Variants in PCDH9 observed in about 807,000 individuals in gnomAD.
The protein encoded by PCDH9 is protocadherin-9.
A neutral mutation model predicts 70.6 loss-of-function variants in PCDH9; 24 were observed. That is an observed-to-expected ratio of 0.34 (90% CI 0.25 to 0.48). The LOEUF is 0.48. Among genes scored for constraint, PCDH9 ranks in the 20% least tolerant of loss-of-function variants. The pLI is 0.99. For synonymous variants in PCDH9, 562 were observed against 558.5 expected (o/e 1.01, Z -0.09); for missense variants, 1,281 against 1,503.6 (o/e 0.85, Z 2.45).
At chr13:66,842,804 A>G (rs1036290137) in intron 3 of PCDH9, among the ~76,000 whole-genome samples, 1 of 152,204 alleles carries the variant, frequency 6.6e-6, no homozygotes, top group Non-Finnish European at 1.5e-5. Flanking sequence ...AAAGTAATGA[A>G]TTGGATGAGG....
intron 2 of PCDH9, chr13:67,201,735 A>G (rs2089217883): frequency 6.6e-6 from 1 of 152,020 alleles, no homozygotes; most frequent in South Asian, 2.1e-4. Flanking sequence ...AATACCTTTA[A>G]TTATCAATTT....
At chr13:66,531,756 C>T (rs190521367) in intron 4 of PCDH9, among the ~76,000 whole-genome samples, 31 of 152,200 alleles carry the variant, frequency 2.0e-4, no homozygotes, top group African/African-American at 6.7e-4. Flanking sequence ...TAAGATACTG[C>T]TCATACATTG....
intron 4 of PCDH9, among the ~76,000 whole-genome samples, chr13:66,378,070 A>G (rs1956780984): frequency 6.6e-6 from 1 of 152,172 alleles, no homozygotes; most frequent in African/African-American, 2.4e-5. Flanking sequence ...AGAAAGGAAA[A>G]TTTATTCAAA....
intron 2 of PCDH9, among the ~76,000 whole-genome samples, chr13:66,945,322 A>G (rs1744503420): frequency 6.6e-6 from 1 of 151,950 alleles, no homozygotes; most frequent in South Asian, 2.1e-4. Context: ...ATACTATATG[A>G]GTTTTGATCA....
Position 67,226,056 on chromosome 13 carries a change from C to T in PCDH9, c.2385G>A (p.Pro795=), listed in dbSNP as rs1194069454. ...TACTATCCCCTATGTTCCTGTCCAACGGGGTCTCCATAGTCCTGCGGATCA... is the reference window on the plus strand; with the variant it reads ...TACTATCCCCTATGTTCCTGTCCAATGGGGTCTCCATAGTCCTGCGGATCA... ...YDLIRRTMET[P]LDRNIGDSSQ... is the part of the protein sequence containing the mutation. The change falls in exon 2 of 5, where the codon CCG becomes CCA. Residue 795 remains proline, a synonymous_variant. Transcript: ENST00000377865. This position sits in a 1 kb window ranked among gnomAD's most constrained non-coding sequence, Gnocchi z 5.0. 1.9e-6 allele frequency: 3 copies of T among 1,614,054 alleles called. No homozygotes were observed. The highest frequency in any genetic ancestry group is 2.5e-6 in the Non-Finnish European group (3 of 1,179,990).
At chr13:66,509,147 G>A (rs1959339427) in intron 4 of PCDH9, among the ~76,000 whole-genome samples, 1 of 152,162 alleles carries the variant, frequency 6.6e-6, no homozygotes, top group Admixed American at 6.5e-5. Context: ...CAACTACACT[G>A]TAAACAGATT....
At chr13:66,652,844 T>C (rs932652750) in intron 3 of PCDH9, among the ~76,000 whole-genome samples, 5 of 151,978 alleles carry the variant, frequency 3.3e-5, no homozygotes, top group African/African-American at 1.2e-4. Context: ...AATCCATACA[T>C]CCACAGTGAA....
chr13:66,630,301 C>A (rs750892710), intron 4 of PCDH9, among the ~76,000 whole-genome samples: 1 of 152,070 alleles, frequency 6.6e-6, no homozygotes, highest in African/African-American at 2.4e-5. Flanking sequence ...ACATGCATAG[C>A]TTTCCCCACC....
At chr13:66,497,389 C>A (rs1209968180) in intron 4 of PCDH9, among the ~76,000 whole-genome samples, 3 of 152,074 alleles carry the variant, frequency 2.0e-5, no homozygotes, top group African/African-American at 4.8e-5. Flanking sequence ...AATTGAGTGG[C>A]ACTTACAAAT....
At chr13:66,776,583 G>T (rs185477017) in intron 3 of PCDH9, among the ~76,000 whole-genome samples, 1 of 152,042 alleles carries the variant, frequency 6.6e-6, no homozygotes, top group Non-Finnish European at 1.5e-5. Flanking sequence ...GGATGTGAAG[G>T]AACTCTTCAA....
intron 3 of PCDH9, among the ~76,000 whole-genome samples, chr13:66,870,593 T>G (rs938096917): frequency 3.9e-5 from 6 of 152,198 alleles, no homozygotes; most frequent in South Asian, 2.1e-4. Flanking sequence ...GAACAGACAC[T>G]TTTCAAAAGA....
intron 2 of PCDH9, among the ~76,000 whole-genome samples, chr13:67,079,795 G>A (rs945070163): frequency 6.6e-6 from 1 of 152,086 alleles, no homozygotes; most frequent in Non-Finnish European, 1.5e-5. Flanking sequence ...TCTCTCTGAA[G>A]GCTGTCACCT....
chr13:67,210,963 T>C (rs964248623), intron 2 of PCDH9: 2 of 151,994 alleles, frequency 1.3e-5, no homozygotes, highest in African/African-American at 4.8e-5. Flanking sequence ...AGAAATTGGT[T>C]ACTACAGACA....
intron 4 of PCDH9, among the ~76,000 whole-genome samples, chr13:66,512,985 G>A (rs929495944): frequency 6.6e-6 from 1 of 151,660 alleles, no homozygotes; most frequent in African/African-American, 2.4e-5. Context: ...CACACAGCTA[G>A]TTTTTGTATT....
intron 4 of PCDH9, among the ~76,000 whole-genome samples, chr13:66,586,405 A>G (rs1051603609): frequency 2.0e-5 from 3 of 152,172 alleles, no homozygotes; most frequent in Admixed American, 6.5e-5. Flanking sequence ...ATGATGTGAC[A>G]TTATATGCAT....
intron 3 of PCDH9, among the ~76,000 whole-genome samples, chr13:66,719,506 G>C (rs1027351390): frequency 6.6e-6 from 1 of 152,136 alleles, no homozygotes; most frequent in African/African-American, 2.4e-5. Flanking sequence ...CAGAGGGTGA[G>C]CTCTCATGAG....
intron 2 of PCDH9, among the ~76,000 whole-genome samples, chr13:66,904,841 TTTTA>T (rs570047985): frequency 2.6e-5 from 4 of 152,176 alleles, no homozygotes; most frequent in Non-Finnish European, 5.9e-5. Flanking sequence ...TCTCATTTAT[TTTTA>T]TTTGTTTAAA....
chr13:67,126,895 A>C (rs2086992159), intron 2 of PCDH9, among the ~76,000 whole-genome samples: 1 of 152,114 alleles, frequency 6.6e-6, no homozygotes, highest in Non-Finnish European at 1.5e-5. Flanking sequence ...AAAATTTTAA[A>C]ATAGTTAAAA....
chr13:66,381,809 G>T (rs917622191), intron 4 of PCDH9, among the ~76,000 whole-genome samples: 1 of 152,142 alleles, frequency 6.6e-6, no homozygotes, highest in Non-Finnish European at 1.5e-5. Context: ...TGTATGAGTA[G>T]TTTTAAAACT....
Sources: allele counts gnomAD v4.1 joint callset (sites outside exome capture counted in the v4.1 genomes callset), GRCh38; gene constraint gnomAD v4.1.1; non-coding constraint Gnocchi (gnomAD v3.1); transcripts MANE v1.5; gene names NCBI Gene and HGNC (gene_info 2026-07-23, HGNC 2026-07-21).